KIAA1217: variants seen among roughly 807,000 people sequenced by gnomAD.
The protein encoded by KIAA1217 is sickle tail protein homolog.
In KIAA1217, 88 loss-of-function variants were observed where a neutral mutation model predicts 163.9. That is an observed-to-expected ratio of 0.54 (90% CI 0.45 to 0.64). The LOEUF (loss-of-function observed/expected upper bound fraction) is 0.64. Among genes scored for constraint, KIAA1217 ranks in the 30% least tolerant of loss-of-function variants. The probability of loss-of-function intolerance (pLI) is 0.00; values close to 1 mark genes in which losing one functional copy is unlikely to be tolerated. For synonymous variants in KIAA1217, 903 were observed against 923.1 expected, an observed-to-expected ratio of 0.98 and a Z score of 0.39; for missense variants, 2,372 against 2,475.0, an observed-to-expected ratio of 0.96 and a Z score of 0.88.
intron 2 of KIAA1217, among the ~76,000 whole-genome samples, chr10:24,347,950 C>T (rs568989410): frequency 9.2e-5 from 14 of 152,276 alleles, no homozygotes; most frequent in East Asian, 1.9e-4. Flanking sequence ...TAATGGAATG[C>T]GTGTCATTCA....
At chr10:23,928,545 G>A (rs1321529114) in intron 1 of KIAA1217, among the ~76,000 whole-genome samples, 1 of 152,200 alleles carries the variant, frequency 6.6e-6, no homozygotes, top group African/African-American at 2.4e-5. Flanking sequence ...TTACTCTAGG[G>A]CCTGGGGATG....
At chr10:23,715,959 G>T (rs879808214) in intron 1 of KIAA1217, among the ~76,000 whole-genome samples, 2 of 152,072 alleles carry the variant, frequency 1.3e-5, no homozygotes, top group Non-Finnish European at 2.9e-5. Context: ...CAAGTTAATG[G>T]TCGAATTTTT....
intron 1 of KIAA1217, among the ~76,000 whole-genome samples, chr10:23,776,682 T>TA (rs1835021814): frequency 1.4e-5 from 2 of 145,686 alleles, no homozygotes; most frequent in Non-Finnish European, 3.0e-5. Flanking sequence ...GTGGGTACTT[T>TA]TTTTTTTTTT....
chr10:23,843,352 T>G (rs1838877331), intron 1 of KIAA1217, among the ~76,000 whole-genome samples: 1 of 152,164 alleles, frequency 6.6e-6, no homozygotes, highest in Non-Finnish European at 1.5e-5. Context: ...CTTTCTAATA[T>G]CTAAGCCTTT....
intron 2 of KIAA1217, among the ~76,000 whole-genome samples, chr10:24,349,076 C>T (rs1194471139): frequency 6.7e-6 from 1 of 148,442 alleles, no homozygotes; most frequent in Non-Finnish European, 1.5e-5. Flanking sequence ...TGCAATGAGC[C>T]ATGATCATGT....
At chr10:24,099,717 C>T (rs1461547666) in intron 2 of KIAA1217, among the ~76,000 whole-genome samples, 1 of 150,042 alleles carries the variant, frequency 6.7e-6, no homozygotes, top group African/African-American at 2.5e-5. Context: ...TTAGGTATAT[C>T]TCCTAATGCT....
chr10:23,817,996 T>TATACAC (rs1554802008), intron 1 of KIAA1217, among the ~76,000 whole-genome samples: 1 of 106,118 alleles, frequency 9.4e-6, no homozygotes, highest in African/African-American at 4.1e-5. Context: ...TATATATATA[T>TATACAC]ATATATATAT....
chr10:23,929,951 G>A (rs566860198), intron 1 of KIAA1217, among the ~76,000 whole-genome samples: 7 of 152,084 alleles, frequency 4.6e-5, no homozygotes, highest in Admixed American at 3.9e-4. Context: ...CTTTTTTTGG[G>A]AAATCTCTGA....
intron 2 of KIAA1217, among the ~76,000 whole-genome samples, chr10:24,268,153 C>T (rs924173043): frequency 1.3e-5 from 2 of 152,198 alleles, no homozygotes; most frequent in African/African-American, 4.8e-5. Flanking sequence ...AGTCATTACT[C>T]TCTAGTTCAT....
intron 1 of KIAA1217, among the ~76,000 whole-genome samples, chr10:23,928,840 A>T (rs974535484): frequency 1.3e-5 from 2 of 152,204 alleles, no homozygotes; most frequent in Non-Finnish European, 2.9e-5. Context: ...TTGAAAATTT[A>T]AAAAGGGCAA....
rs1835981510 is a variant in KIAA1217 at position 23,695,634 on chromosome 10, G to T, written c.-321+400G>T. 6.6e-6 allele frequency among the ~76,000 whole-genome samples: 1 copy of T among 152,148 alleles called. No homozygotes were observed. Among genetic ancestry groups the T allele is most frequent in the African/African-American group, 2.4e-5 (1 of 41,444 alleles). ...TAGGATGTTGCCTCGTTTTTCACTC[G>T]GGGCTGCGAAGAGGGCATTGCTCTT... On this transcript the variant is annotated intron_variant, in intron 1 of 18. Coordinates refer to the KIAA1217 transcript ENST00000376462. The surrounding 1 kb of genome is among the most constrained non-coding windows in gnomAD (Gnocchi z 4.9).
intron 1 of KIAA1217, among the ~76,000 whole-genome samples, chr10:23,785,669 G>T (rs1291906621): frequency 6.6e-6 from 1 of 152,122 alleles, no homozygotes; most frequent in Non-Finnish European, 1.5e-5. Flanking sequence ...CTCATGAAAA[G>T]GTTGGGCTTT....
chr10:24,374,229 GTGAGAATCTCAGATATGCACCGT>G (rs2052127077), intron 2 of KIAA1217, among the ~76,000 whole-genome samples: 1 of 152,158 alleles, frequency 6.6e-6, no homozygotes, highest in South Asian at 2.1e-4. Flanking sequence ...TAGGAGAAAC[GTGAGAATCTCAGATATGCACCGT>G]TGGAAGTTGG....
intron 1 of KIAA1217, among the ~76,000 whole-genome samples, chr10:23,828,554 T>A (rs1838014906): frequency 6.6e-6 from 1 of 152,210 alleles, no homozygotes; most frequent in African/African-American, 2.4e-5. Flanking sequence ...CACTTATAAC[T>A]TTTTGTCTAA....
At chr10:23,858,062 T>C (rs1372173273) in intron 1 of KIAA1217, among the ~76,000 whole-genome samples, 1 of 151,816 alleles carries the variant, frequency 6.6e-6, no homozygotes, top group East Asian at 1.9e-4. Context: ...AAAGTTGTGC[T>C]ACTTGGTAAT....
rs370766839 is a variant in KIAA1217, at chr10:24,420,989, T to TTTTG, written c.554-11982_554-11979dup. On this transcript the variant is annotated intron_variant, in intron 3 of 20. Transcript: ENST00000376454. ...ATTGCCAGATTGATGTTATAAGTGG[T>TTTTG]TTTGTTTGTTTGTTTGTTTGTTTGT... Among the ~76,000 whole-genome samples, 143 of 146,178 alleles carry TTTTG rather than the reference T, an allele frequency of 9.8e-4. 3 individuals are homozygous for TTTTG. The highest frequency in any genetic ancestry group is 8.5e-3 in the South Asian group (41 of 4,812).
intron 6 of KIAA1217, among the ~76,000 whole-genome samples, chr10:24,493,141 C>T (rs915460701): frequency 2.0e-5 from 3 of 152,302 alleles, no homozygotes; most frequent in Admixed American, 1.3e-4. Context: ...CCACCGTGCC[C>T]GGCCAGACCA....
Position 24,209,245 on chromosome 10 carries a change from G to A in KIAA1217, c.52G>A (p.Asp18Asn), listed in dbSNP as rs2067760268. Residue 18 changes from aspartate to asparagine, a missense_variant, in exon 1 of 21, where the codon GAC becomes AAC. Asp to Asn is a conservative substitution (Grantham distance 23). Coordinates refer to ENST00000376454, the MANE Select transcript of KIAA1217 (RefSeq NM_019590.5). Reference protein sequence around the residue: ...KCEPCLPYSADRRQMQEQGKG... With the variant: ...KCEPCLPYSANRRQMQEQGKG... ...TGAGCCGTGCCTTCCTTACTCAGCA[G>A]ACAGAAGACAGATGCAGGGTAAGTA... The A allele has an allele frequency of 1.2e-6, 2 of 1,613,316 alleles. No homozygotes were observed. The highest frequency in any genetic ancestry group is 1.1e-5 in the South Asian group (1 of 91,076).
chr10:24,215,904 G>A (rs924596885), intron 1 of KIAA1217, among the ~76,000 whole-genome samples: 5 of 152,186 alleles, frequency 3.3e-5, no homozygotes, highest in African/African-American at 1.2e-4. Context: ...TGAGACAAAA[G>A]GAAGGAGTGA....
Sources: gnomAD v4.1 joint callset for allele counts (sites outside exome capture counted in the v4.1 genomes callset) on GRCh38, gnomAD v4.1.1 for gene constraint, Gnocchi (gnomAD v3.1) non-coding constraint, MANE v1.5 for transcripts, NCBI Gene and HGNC (gene_info 2026-07-23, HGNC 2026-07-21) for gene names.